Variants in WWOX observed in about 807,000 individuals in gnomAD.
WWOX encodes the protein WW domain-containing oxidoreductase.
A neutral mutation model predicts 46.2 loss-of-function variants in WWOX; 69 were observed. The observed-to-expected ratio is 1.49, with a 90% CI of 1.23 to 1.82. The LOEUF is 1.82. Ranked by LOEUF, WWOX falls within the 40% of genes most tolerant of loss-of-function variation. The pLI is 0.00. For synonymous variants in WWOX, 359 were observed against 202.6 expected, an observed-to-expected ratio of 1.77 and a Z score of -6.56; for missense variants, 919 against 542.6, an observed-to-expected ratio of 1.69 and a Z score of -6.89.
chr16:79,181,596 G>A (rs1341597054), intron 8 of WWOX, among the ~76,000 whole-genome samples: 1 of 151,998 alleles, frequency 6.6e-6, no homozygotes, highest in Non-Finnish European at 1.5e-5. Flanking sequence ...TCATCATATA[G>A]TTGTACCAAA....
chr16:79,024,535 G>C (rs1431145726), intron 8 of WWOX, among the ~76,000 whole-genome samples: 1 of 152,094 alleles, frequency 6.6e-6, no homozygotes, highest in African/African-American at 2.4e-5. Context: ...CCAGGTTCAC[G>C]CCATTCTCCT....
At chr16:78,515,900 C>A (rs2043224982) in intron 8 of WWOX, among the ~76,000 whole-genome samples, 1 of 152,104 alleles carries the variant, frequency 6.6e-6, no homozygotes, top group African/African-American at 2.4e-5. Flanking sequence ...ACATCTTTGG[C>A]CCATGTGAAA....
intron 8 of WWOX, among the ~76,000 whole-genome samples, chr16:78,893,686 C>A (rs538476902): frequency 6.6e-6 from 1 of 152,132 alleles, no homozygotes; most frequent in African/African-American, 2.4e-5. Context: ...TGGTATTTTC[C>A]AGGGGCCCTT....
At chr16:78,142,253 A>C (rs901154630) in intron 4 of WWOX, among the ~76,000 whole-genome samples, 1 of 152,178 alleles carries the variant, frequency 6.6e-6, no homozygotes, top group Non-Finnish European at 1.5e-5. Flanking sequence ...GCTTTTTAAA[A>C]AGCAAAATAG....
At chr16:78,772,318 T>A (rs1052526107) in intron 8 of WWOX, among the ~76,000 whole-genome samples, 5 of 152,234 alleles carry the variant, frequency 3.3e-5, no homozygotes, top group Non-Finnish European at 7.3e-5. Flanking sequence ...CTGCATTAGT[T>A]TGCTGAGGAT....
chr16:79,091,806 G>A (rs1366133190), intron 8 of WWOX, among the ~76,000 whole-genome samples: 1 of 137,704 alleles, frequency 7.3e-6, no homozygotes, highest in Non-Finnish European at 1.5e-5. Flanking sequence ...TTTTGAGACG[G>A]AGTCTAGCTC....
chr16:78,363,337 G>C (rs907559216), intron 5 of WWOX, among the ~76,000 whole-genome samples: 1 of 151,602 alleles, frequency 6.6e-6, no homozygotes, highest in Non-Finnish European at 1.5e-5. Flanking sequence ...GCAGTGGCGC[G>C]ATGACAGCCC....
intron 8 of WWOX, among the ~76,000 whole-genome samples, chr16:78,970,453 C>T (rs1012303141): frequency 1.3e-5 from 2 of 152,166 alleles, no homozygotes; most frequent in Admixed American, 6.5e-5. Context: ...CTTGAGCGAT[C>T]ACAGTTTATT....
intron 5 of WWOX, among the ~76,000 whole-genome samples, chr16:78,237,160 A>C (rs1297554713): frequency 6.6e-6 from 1 of 151,930 alleles, no homozygotes; most frequent in Non-Finnish European, 1.5e-5. Context: ...GGAATGATTC[A>C]AAGTCTGACT....
chr16:78,216,081 G>A (rs1213011377), intron 5 of WWOX, among the ~76,000 whole-genome samples: 2 of 152,184 alleles, frequency 1.3e-5, no homozygotes, highest in Non-Finnish European at 1.5e-5. Context: ...GGTCTCATCC[G>A]TCAGCCACAC....
At chr16:78,426,031 G>T (rs528184102) in intron 7 of WWOX, among the ~76,000 whole-genome samples, 7 of 152,250 alleles carry the variant, frequency 4.6e-5, no homozygotes, top group African/African-American at 1.7e-4. Context: ...AAACACAGGG[G>T]CTTATGGTAT....
chr16:78,408,204 C>A (rs969133348), intron 6 of WWOX, among the ~76,000 whole-genome samples: 1 of 152,184 alleles, frequency 6.6e-6, no homozygotes, highest in Non-Finnish European at 1.5e-5. Flanking sequence ...GTGCACTCTT[C>A]TGATTGATCC....
chr16:78,969,036 C>G (rs931721350), intron 8 of WWOX, among the ~76,000 whole-genome samples: 1 of 152,136 alleles, frequency 6.6e-6, no homozygotes, highest in Admixed American at 6.5e-5. Flanking sequence ...GGCTCAGCTA[C>G]CAGGCTCCAG....
At position 78,753,837 on chromosome 16, in the gene WWOX, T is replaced by A. The variant is rs1368572155; in HGVS notation, c.1056+321085T>A. ...AAAAAAAAAAAAAAATATATATATATATATATATATATATATATGTATATG... is the reference window on the plus strand; with the variant it reads ...AAAAAAAAAAAAAAATATATATATAAATATATATATATATATATGTATATG... On this transcript the variant is annotated intron_variant, in intron 8 of 8. Coordinates refer to ENST00000566780, the MANE Select transcript of WWOX (RefSeq NM_016373.4). 2.1e-3 allele frequency among the ~76,000 whole-genome samples: 197 copies of A among 94,436 alleles called. 3 individuals are homozygous for A. The highest frequency in any genetic ancestry group is 9.7e-3 in the African/African-American group (191 of 19,716). 62.0% of individuals were successfully genotyped at this position (94,436 alleles called of 152,430 possible).
At chr16:78,679,026 G>A (rs903205986) in intron 8 of WWOX, among the ~76,000 whole-genome samples, 1 of 152,168 alleles carries the variant, frequency 6.6e-6, no homozygotes, top group Non-Finnish European at 1.5e-5. Context: ...AGGAAAGCAG[G>A]GAAGGGGGCA....
At chr16:78,227,922 A>G (rs1445997119) in intron 5 of WWOX, among the ~76,000 whole-genome samples, 1 of 151,984 alleles carries the variant, frequency 6.6e-6, no homozygotes, top group Non-Finnish European at 1.5e-5. Context: ...GTTCTATTGA[A>G]CCCCAGTGCA....
Position 78,424,988 on chromosome 16 carries a change from C to T in WWOX, c.724C>T (p.Leu242Phe), listed in dbSNP as rs759826716. 6.2e-7 allele frequency: 1 copy of T among 1,614,032 alleles called. No individual in the cohort carries two copies. Among genetic ancestry groups the T allele is most frequent in the African/African-American group, 1.3e-5 (1 of 74,914 alleles). ...NHLGHFYLVQ[L>F]LQDVLCRSAP... ...TCTGGGGCACTTCTACCTTGTCCAG[C>T]TCCTCCAGGATGTTTTGTGCCGCTC... Residue 242 changes from leucine (L) to phenylalanine (F), a missense_variant, in exon 7 of 9, where the codon CTC becomes TTC. Leu to Phe is a conservative substitution (Grantham distance 22). Coordinates refer to ENST00000566780, the MANE Select transcript of WWOX (RefSeq NM_016373.4).
chr16:78,731,885 T>C lies in WWOX; in HGVS notation c.1056+299133T>C, dbSNP rs1365633838. Among the ~76,000 whole-genome samples, 5 of 150,564 alleles carry C rather than the reference T, an allele frequency of 3.3e-5. No individual in the cohort carries two copies. The Admixed American group carries it at 3.3e-4, about 10-fold the overall frequency. The stretch of plus-strand genomic sequence containing the variant: ...TTTTGAGAGACAGGGTCTTGCTTTA[T>C]AGCCCAAGCTGGAGTGCAGTGGTGC... On this transcript the variant is annotated intron_variant, in intron 8 of 8. Coordinates refer to ENST00000566780, the MANE Select transcript of WWOX (RefSeq NM_016373.4).
At chr16:78,548,306 C>G (rs892114572) in intron 8 of WWOX, among the ~76,000 whole-genome samples, 21 of 151,240 alleles carry the variant, frequency 1.4e-4, no homozygotes, top group African/African-American at 4.8e-4. Context: ...TAATTGCATT[C>G]AACAGTCATG....
Sources: allele counts gnomAD v4.1 joint callset (sites outside exome capture counted in the v4.1 genomes callset), GRCh38; gene constraint gnomAD v4.1.1; transcripts MANE v1.5; gene names NCBI Gene and HGNC (gene_info 2026-07-23, HGNC 2026-07-21).